ZFP1: variants seen among roughly 807,000 people sequenced by gnomAD.
ZFP1 encodes zinc finger protein 1 homolog.
ZFP1 carries 32 observed loss-of-function variants against 38.5 expected under a neutral mutation model. The observed-to-expected ratio is 0.83, with a 90% confidence interval of 0.63 to 1.12. The LOEUF is 1.12. Among genes scored for constraint, ZFP1 ranks in the 50% most tolerant of loss-of-function variants. ZFP1 has a pLI of 0.00. For synonymous variants in ZFP1, 245 were observed against 168.8 expected (o/e 1.45, Z -3.50); for missense variants, 616 against 480.8 (o/e 1.28, Z -2.63).
chr16:75,122,237 T>C, the ZFP1 span, among the ~76,000 whole-genome samples: 3 of 152,160 alleles, frequency 2.0e-5, no homozygotes, highest in Admixed American at 6.5e-5. Flanking sequence ...CGTTCCCCTA[T>C]TGGATAGGGT....
the ZFP1 span, among the ~76,000 whole-genome samples, chr16:75,137,063 C>G: frequency 6.6e-6 from 1 of 152,002 alleles, no homozygotes; most frequent in Non-Finnish European, 1.5e-5. Flanking sequence ...GTAAAGGAAC[C>G]AGGGGCCCTT....
At chr16:75,152,497 A>G (rs1248044258) in intron 1 of ZFP1, among the ~76,000 whole-genome samples, 1 of 152,046 alleles carries the variant, frequency 6.6e-6, no homozygotes, top group Non-Finnish European at 1.5e-5. Context: ...CTGTTACTGT[A>G]CTTTTCTTAG....
upstream of ZFP1, chr16:75,144,029 G>T (rs2145478126): frequency 6.6e-6 from 1 of 152,272 alleles, no homozygotes; most frequent in South Asian, 2.1e-4. Context: ...TGCATGAGCT[G>T]GCCAGGTCAG....
intron 2 of ZFP1, among the ~76,000 whole-genome samples, chr16:75,156,590 G>T (rs1329942119): frequency 6.6e-6 from 1 of 152,234 alleles, no homozygotes; most frequent in Non-Finnish European, 1.5e-5. Context: ...CCCGTTTGGG[G>T]AGGTTATTGG....
intron 3 of ZFP1, among the ~76,000 whole-genome samples, chr16:75,168,675 A>G (rs372055435): frequency 6.6e-6 from 1 of 152,216 alleles, no homozygotes; most frequent in Non-Finnish European, 1.5e-5. Flanking sequence ...GAGCTCTGCT[A>G]TCTGGTTGTC....
At chr16:75,123,927 T>A in the ZFP1 span, among the ~76,000 whole-genome samples, 10 of 73,760 alleles carry the variant, frequency 1.4e-4, no homozygotes, top group Non-Finnish European at 2.0e-4. Flanking sequence ...CTGTCTCTAC[T>A]AAAAATACAA....
At chr16:75,123,384 G>T in the ZFP1 span, among the ~76,000 whole-genome samples, 1 of 132,646 alleles carries the variant, frequency 7.5e-6, no homozygotes, top group African/African-American at 3.2e-5. Flanking sequence ...ATATATATGT[G>T]TATATATATT....
At chr16:75,137,647 T>C in the ZFP1 span, among the ~76,000 whole-genome samples, 1 of 151,716 alleles carries the variant, frequency 6.6e-6, no homozygotes, top group Non-Finnish European at 1.5e-5. Context: ...TTTGTATTTT[T>C]AGTAGAGACG....
At chr16:75,149,957 G>C (rs983779182) in intron 1 of ZFP1, among the ~76,000 whole-genome samples, 1 of 147,108 alleles carries the variant, frequency 6.8e-6, no homozygotes. Context: ...GCTGATTTTT[G>C]TATTTTTAGT....
At chr16:75,168,627 G>A (rs1201546254) in intron 3 of ZFP1, among the ~76,000 whole-genome samples, 1 of 152,096 alleles carries the variant, frequency 6.6e-6, no homozygotes, top group Non-Finnish European at 1.5e-5. Context: ...TGAGTTTCTG[G>A]ATTTTACCAT....
At chr16:75,124,452 G>A in the ZFP1 span, among the ~76,000 whole-genome samples, 46,955 of 144,168 alleles carry the variant, frequency 0.33, 7,644 homozygotes, top group Non-Finnish European at 0.35. Context: ...GAGCCACCAC[G>A]CCCGGCTTCA....
At chr16:75,155,600 T>C (rs1198818224) in intron 2 of ZFP1, among the ~76,000 whole-genome samples, 1 of 152,194 alleles carries the variant, frequency 6.6e-6, no homozygotes, top group East Asian at 1.9e-4. Flanking sequence ...TAACAACATA[T>C]ATAACAAATA....
At chr16:75,167,653 C>G (rs1258552784) in intron 3 of ZFP1, among the ~76,000 whole-genome samples, 8 of 152,132 alleles carry the variant, frequency 5.3e-5, no homozygotes, top group Non-Finnish European at 1.2e-4. Context: ...AGGCTAGAAT[C>G]CAGTGGTGAC....
chr16:75,159,676 G>A (rs1597059012), intron 2 of ZFP1, among the ~76,000 whole-genome samples: 1 of 152,116 alleles, frequency 6.6e-6, no homozygotes, highest in South Asian at 2.1e-4. Flanking sequence ...AAAGTGCTGG[G>A]ATTACAGTCA....
At chr16:75,121,222 G>A in the ZFP1 span, among the ~76,000 whole-genome samples, 1 of 151,190 alleles carries the variant, frequency 6.6e-6, no homozygotes, top group Non-Finnish European at 1.5e-5. Context: ...GAGTACAGTG[G>A]GGTGATCTCT....
chr16:75,150,843 G>C (rs1567521956), intron 1 of ZFP1, among the ~76,000 whole-genome samples: 3 of 152,130 alleles, frequency 2.0e-5, no homozygotes, highest in Non-Finnish European at 4.4e-5. Context: ...TTGATTGATT[G>C]AGACAGGGTC....
chr16:75,166,124 G>A (rs559551896), intron 2 of ZFP1, among the ~76,000 whole-genome samples: 41 of 152,202 alleles, frequency 2.7e-4, no homozygotes, highest in Middle Eastern at 3.4e-3. Flanking sequence ...TTAAAACTTT[G>A]ACTATTTAAA....
chr16:75,126,016 C>T, the ZFP1 span, among the ~76,000 whole-genome samples: 3 of 139,130 alleles, frequency 2.2e-5, no homozygotes, highest in East Asian at 6.2e-4. Context: ...ACCCCCTGAA[C>T]TCCAGCCTGG....
chr16:75,169,770 C>T lies in ZFP1; in HGVS notation c.660C>T (p.Thr220=). ...ATGAATGCAATGTATGTAAGAAAAC[C>T]TTCTCCCATAAGGCCAACCTCATCA... is the stretch of plus-strand genomic sequence containing the variant. ...KPYECNVCKK[T]FSHKANLIKH... is the part of the protein sequence containing the mutation. The change falls in exon 4 of 4, where the codon ACC becomes ACT. Residue 220 remains threonine, a synonymous_variant. Transcript: ENST00000570010. 6.2e-7 allele frequency: 1 copy of T among 1,613,436 alleles called. No homozygotes were observed. Among genetic ancestry groups the T allele is most frequent in the Non-Finnish European group, 8.5e-7 (1 of 1,179,740 alleles).
Sources: allele counts gnomAD v4.1 joint callset (sites outside exome capture counted in the v4.1 genomes callset), GRCh38; gene constraint gnomAD v4.1.1; transcripts MANE v1.5; gene names NCBI Gene and HGNC (gene_info 2026-07-23, HGNC 2026-07-21).